The following SEMA3C variants were observed in gnomAD, a reference collection of about 807,000 sequenced individuals.
SEMA3C encodes the protein semaphorin 3C.
A neutral mutation model predicts 89.4 loss-of-function variants in SEMA3C; 47 were observed. That is an observed-to-expected ratio of 0.53 (90% CI 0.42 to 0.67). The LOEUF is 0.67. Ranked by LOEUF, SEMA3C falls within the 30% of genes least tolerant of loss-of-function variation. The probability of loss-of-function intolerance (pLI) is 0.00; values close to 1 mark genes in which losing one functional copy is unlikely to be tolerated. For missense variants in SEMA3C, 839 were observed against 929.1 expected (o/e 0.90, Z 1.26); for synonymous variants, 310 against 320.2 (o/e 0.97, Z 0.34).
chr7:80,863,438 A>T (rs1030579822), intron 2 of SEMA3C, among the ~76,000 whole-genome samples: 3 of 151,972 alleles, frequency 2.0e-5, no homozygotes, highest in Non-Finnish European at 2.9e-5. Context: ...CCGCTATGGA[A>T]AACAGTGTAG....
intron 2 of SEMA3C, among the ~76,000 whole-genome samples, chr7:80,910,716 CAAAGTG>C (rs200694595): frequency 0.011 from 1,629 of 145,752 alleles, 20 homozygotes; most frequent in Non-Finnish European, 0.015. Flanking sequence ...TTTATTATAG[CAAAGTG>C]ATAGTTTTTT....
rs549780601 is a variant in SEMA3C at position 80,749,205 on chromosome 7, C to T, written c.1712-177G>A. Among the ~76,000 whole-genome samples, 22 of 152,152 alleles carry T rather than the reference C, an allele frequency of 1.4e-4. No individual in the cohort carries two copies. The South Asian group carries it at 2.1e-3, about 14-fold the overall frequency. On this transcript the variant is annotated intron_variant, in intron 16 of 17. Coordinates refer to ENST00000265361, the MANE Select transcript of SEMA3C (RefSeq NM_006379.5). ...CAAGCAAAATAGGATACGTTGTTCA[C>T]CCGTTTTGTTTGTGTAAGGGGAAGG... is the stretch of plus-strand genomic sequence containing the variant.
intron 2 of SEMA3C, among the ~76,000 whole-genome samples, chr7:80,842,253 A>G (rs2115885148): frequency 6.6e-6 from 1 of 152,276 alleles, no homozygotes; most frequent in East Asian, 1.9e-4. Context: ...ATGTATATCC[A>G]AGACATTTCT....
intron 16 of SEMA3C, among the ~76,000 whole-genome samples, chr7:80,750,473 T>TACACACACACACACACAC (rs56793292): frequency 3.6e-5 from 2 of 55,434 alleles, no homozygotes; most frequent in Non-Finnish European, 7.0e-5. Context: ...TATATATATA[T>TACACACACACACACACAC]ACACACACAC....
intron 2 of SEMA3C, among the ~76,000 whole-genome samples, chr7:80,867,701 A>G (rs1790960723): frequency 6.7e-6 from 1 of 150,116 alleles, no homozygotes; most frequent in African/African-American, 2.5e-5. Context: ...TTCTTTCTAT[A>G]TCGATATGTA....
At chr7:80,899,303 A>G (rs1791817630) in intron 2 of SEMA3C, among the ~76,000 whole-genome samples, 2 of 152,182 alleles carry the variant, frequency 1.3e-5, no homozygotes. Flanking sequence ...GGCCTCCGAA[A>G]GTGCTGGGAT....
intron 4 of SEMA3C, among the ~76,000 whole-genome samples, chr7:80,821,699 T>G (rs546036512): frequency 2.2e-4 from 33 of 152,196 alleles, no homozygotes; most frequent in Non-Finnish European, 4.6e-4. Context: ...TTATTAATAT[T>G]CACAGAGCTC....
chr7:80,883,042 C>T (rs545693015), intron 2 of SEMA3C, among the ~76,000 whole-genome samples: 2 of 152,020 alleles, frequency 1.3e-5, no homozygotes, highest in East Asian at 1.9e-4. Context: ...TGAGGAAACA[C>T]GTTCTCTCTC....
intron 4 of SEMA3C, among the ~76,000 whole-genome samples, chr7:80,823,289 G>A (rs1001698296): frequency 1.3e-5 from 2 of 152,018 alleles, no homozygotes; most frequent in African/African-American, 4.8e-5. Flanking sequence ...TAAGTGCTAC[G>A]GATTAGCACA....
chr7:80,871,986 TCCTGTTACTTCCCTGTCTAGAGA>T (rs1366869736), intron 2 of SEMA3C, among the ~76,000 whole-genome samples: 95 of 152,282 alleles, frequency 6.2e-4, no homozygotes, highest in African/African-American at 2.1e-3. Flanking sequence ...ACCATTTTAA[TCCTGTTACTTCCCTGTCTAGAGA>T]CCTTTAATTT....
intron 3 of SEMA3C, 53 bp downstream of exon 3, chr7:80,828,530 TAA>T (rs1209157609): frequency 2.1e-6 from 3 of 1,407,360 alleles, no homozygotes; most frequent in Non-Finnish European, 9.6e-7. Context: ...TTATTTTTTT[TAA>T]AAAAGAGACA....
At chr7:80,834,845 T>A (rs1790089088) in intron 2 of SEMA3C, among the ~76,000 whole-genome samples, 1 of 152,216 alleles carries the variant, frequency 6.6e-6, no homozygotes, top group South Asian at 2.1e-4. Flanking sequence ...ATCTCCAGAT[T>A]ACATAAAATA....
At chr7:80,835,603 A>T (rs907250015) in intron 2 of SEMA3C, among the ~76,000 whole-genome samples, 3 of 152,154 alleles carry the variant, frequency 2.0e-5, no homozygotes, top group African/African-American at 7.2e-5. Context: ...AAAAAAAATA[A>T]AGAGCAGTGA....
intron 13 of SEMA3C, 96 bp downstream of exon 13, chr7:80,765,059 T>C: frequency 1.4e-6 from 1 of 740,428 alleles, no homozygotes. Flanking sequence ...ATTTATTTGA[T>C]CTTTTATCAA....
At chr7:80,751,192 A>C in intron 16 of SEMA3C, 77 bp downstream of exon 16, 1 of 1,178,600 alleles carries the variant, frequency 8.5e-7, no homozygotes, top group Non-Finnish European at 1.3e-6. Context: ...AATCTATGAC[A>C]ATGTTTCCCC....
At chr7:80,759,869 C>T (rs562642560) in intron 14 of SEMA3C, among the ~76,000 whole-genome samples, 1 of 152,018 alleles carries the variant, frequency 6.6e-6, no homozygotes, top group Non-Finnish European at 1.5e-5. Flanking sequence ...AAATGTTTAT[C>T]GAGTAAATTA....
chr7:80,799,437 AT>A (rs1562880405), intron 10 of SEMA3C, among the ~76,000 whole-genome samples: 1 of 152,194 alleles, frequency 6.6e-6, no homozygotes, highest in Admixed American at 6.5e-5. Context: ...TATGAGCAAG[AT>A]TAAAAAAAAG....
At position 80,840,518 on chromosome 7, in the gene SEMA3C, GAAAAAAAAAAAA is replaced by G. The variant is rs1171113816; in HGVS notation, c.104-11785_104-11774del. On this transcript the variant is annotated intron_variant, in intron 2 of 17. Transcript: ENST00000265361. ...TAGGTGACAGAGCACCTGTCTCCAG[GAAAAAAAAAAAA>G]AAAAAAAAAAAAAGAGCGAGAGAGA... 2.8e-3 allele frequency among the ~76,000 whole-genome samples: 231 copies of G among 82,530 alleles called. 2 individuals are homozygous for G. The highest frequency in any genetic ancestry group is 0.01 in the African/African-American group (211 of 20,318). 54.1% of individuals were successfully genotyped at this position (82,530 alleles called of 152,430 possible).
At chr7:80,859,907 G>T (rs1479361908) in intron 2 of SEMA3C, among the ~76,000 whole-genome samples, 1 of 151,814 alleles carries the variant, frequency 6.6e-6, no homozygotes, top group African/African-American at 2.4e-5. Context: ...TTGTAAGTCT[G>T]CTAGACACTA....
Sources: gnomAD v4.1 joint callset for allele counts (sites outside exome capture counted in the v4.1 genomes callset) on GRCh38, gnomAD v4.1.1 for gene constraint, MANE v1.5 for transcripts, NCBI Gene and HGNC (gene_info 2026-07-23, HGNC 2026-07-21) for gene names.